Variants in SLC9A9 observed in about 807,000 individuals in gnomAD.
The protein encoded by SLC9A9 is sodium/hydrogen exchanger 9.
Under a neutral mutation model 77.8 loss-of-function variants are expected in SLC9A9, and 62 were observed. That is an observed-to-expected ratio of 0.80 (90% confidence interval 0.65 to 0.98). SLC9A9 has a LOEUF of 0.98. Among genes scored for constraint, SLC9A9 ranks in the 50% least tolerant of loss-of-function variants. SLC9A9 has a pLI of 0.00. For synonymous variants in SLC9A9, 320 were observed against 283.5 expected (o/e 1.13, Z -1.29); for missense variants, 775 against 774.9 (o/e 1.00, Z 0.00).
rs867369041 is a variant in SLC9A9, at chr3:143,487,951, A to G, written c.1315+5702T>C. ...ATAGAAAAAATAAATGAAACAAAAA[A>G]TGTTTCTTTGGAAAGAGCAATAAAA... On this transcript the variant is annotated intron_variant, in intron 11 of 15. Coordinates refer to ENST00000316549, the MANE Select transcript of SLC9A9 (RefSeq NM_173653.4). Among the ~76,000 whole-genome samples the G allele has an allele frequency of 7.9e-5, 12 of 151,908 alleles. No homozygotes were observed. In the South Asian group the frequency reaches 2.5e-3, roughly 31 times the overall value.
At chr3:143,804,137 T>G (rs1469009963) in intron 2 of SLC9A9, among the ~76,000 whole-genome samples, 1 of 152,154 alleles carries the variant, frequency 6.6e-6, no homozygotes, top group African/African-American at 2.4e-5. Flanking sequence ...ACTCTTCATC[T>G]CCAAAGCCCA....
intron 9 of SLC9A9, chr3:143,517,933 C>T: frequency 6.7e-7 from 1 of 1,488,720 alleles, no homozygotes; most frequent in East Asian, 2.3e-5. Flanking sequence ...TTTCATCTCC[C>T]ATTTCTTAAG....
chr3:143,426,180 G>A (rs2034401544), intron 12 of SLC9A9, among the ~76,000 whole-genome samples: 1 of 152,110 alleles, frequency 6.6e-6, no homozygotes, highest in Non-Finnish European at 1.5e-5. Context: ...TGTACGGACT[G>A]GCAAATTATT....
chr3:143,804,310 G>A (rs1326422582), intron 2 of SLC9A9, among the ~76,000 whole-genome samples: 1 of 152,040 alleles, frequency 6.6e-6, no homozygotes, highest in Non-Finnish European at 1.5e-5. Context: ...TTGCTCATCA[G>A]ACTCTCCTCC....
intron 13 of SLC9A9, among the ~76,000 whole-genome samples, chr3:143,375,265 A>T (rs972455154): frequency 6.6e-6 from 1 of 152,142 alleles, no homozygotes; most frequent in East Asian, 1.9e-4. Flanking sequence ...CATGTGACCT[A>T]TATGGCAGAC....
chr3:143,575,244 GT>G (rs1300488168), intron 7 of SLC9A9, among the ~76,000 whole-genome samples: 1 of 152,178 alleles, frequency 6.6e-6, no homozygotes, highest in Admixed American at 6.5e-5. Flanking sequence ...GTTTTGTAAA[GT>G]TTTAGAAAGC....
At position 143,759,820 on chromosome 3, in the gene SLC9A9, C is replaced by G. The variant is rs149925105; in HGVS notation, c.533+35181G>C. On this transcript the variant is annotated intron_variant, in intron 4 of 15. Transcript: ENST00000316549. ...TTCTGTTATCTTGCAGTTGAGGGAC[C>G]CTTTCCTAAATCCCACTGAGATTTA... Among the ~76,000 whole-genome samples, 12 of 151,924 alleles carry G rather than the reference C, an allele frequency of 7.9e-5. 1 individual carries two copies. In the South Asian group the frequency reaches 1.2e-3, roughly 16 times the overall value.
At chr3:143,270,390 G>C (rs1937864896) in intron 14 of SLC9A9, among the ~76,000 whole-genome samples, 1 of 152,100 alleles carries the variant, frequency 6.6e-6, no homozygotes, top group Non-Finnish European at 1.5e-5. Context: ...ATCACCCCTA[G>C]AAGACAATTC....
chr3:143,329,994 T>TG (rs1414142617), intron 14 of SLC9A9, among the ~76,000 whole-genome samples: 1 of 151,938 alleles, frequency 6.6e-6, no homozygotes, highest in African/African-American at 2.4e-5. Flanking sequence ...TTCAAACTAC[T>TG]GGAAAAAAAA....
At chr3:143,623,968 C>T (rs940752257) in intron 6 of SLC9A9, among the ~76,000 whole-genome samples, 2 of 152,194 alleles carry the variant, frequency 1.3e-5, no homozygotes, top group Non-Finnish European at 2.9e-5. Context: ...AAACTACCAT[C>T]AGAGAATACT....
At chr3:143,346,053 C>T (rs549212675) in intron 14 of SLC9A9, among the ~76,000 whole-genome samples, 1 of 152,012 alleles carries the variant, frequency 6.6e-6, no homozygotes, top group Non-Finnish European at 1.5e-5. Context: ...GGAAAAGAGA[C>T]CTAGGTCCAG....
chr3:143,833,401 A>G (rs2009488710), intron 1 of SLC9A9, among the ~76,000 whole-genome samples: 2 of 152,222 alleles, frequency 1.3e-5, no homozygotes, highest in South Asian at 2.1e-4. Context: ...ATAAAACATG[A>G]CATGTGCTAT....
At chr3:143,515,145 G>C (rs1328356180) in intron 9 of SLC9A9, among the ~76,000 whole-genome samples, 1 of 152,122 alleles carries the variant, frequency 6.6e-6, no homozygotes, top group Non-Finnish European at 1.5e-5. Flanking sequence ...AAGAGAGATG[G>C]GGGAATGACC....
At chr3:143,805,402 CA>C (rs543649111) in intron 2 of SLC9A9, among the ~76,000 whole-genome samples, 3 of 152,044 alleles carry the variant, frequency 2.0e-5, no homozygotes, top group Admixed American at 6.6e-5. Context: ...TGCCACCCCC[CA>C]AAAAAATTTT....
At chr3:143,744,590 T>G (rs189168235) in intron 4 of SLC9A9, among the ~76,000 whole-genome samples, 8 of 152,340 alleles carry the variant, frequency 5.3e-5, no homozygotes, top group Admixed American at 3.3e-4. Flanking sequence ...CGAAAAAGCC[T>G]CCTGATTCCT....
chr3:143,468,006 T>G (rs1050081024), intron 11 of SLC9A9, among the ~76,000 whole-genome samples: 2 of 152,238 alleles, frequency 1.3e-5, no homozygotes, highest in Non-Finnish European at 2.9e-5. Context: ...TTGACAGTTG[T>G]TCCTTTTTAT....
chr3:143,511,677 A>G (rs2036117493), intron 9 of SLC9A9, among the ~76,000 whole-genome samples: 1 of 152,216 alleles, frequency 6.6e-6, no homozygotes, highest in Non-Finnish European at 1.5e-5. Context: ...TTGTCCAGGC[A>G]TAACTGGGGG....
At chr3:143,548,542 A>G (rs2036827298) in intron 9 of SLC9A9, among the ~76,000 whole-genome samples, 1 of 152,216 alleles carries the variant, frequency 6.6e-6, no homozygotes, top group Non-Finnish European at 1.5e-5. Context: ...AAAGCAACAA[A>G]GAACTCCAAG....
At position 143,493,735 on chromosome 3, in the gene SLC9A9, G is replaced by A. The variant is rs776753475; in HGVS notation, c.1233C>T (p.Asn411=). The change falls in exon 11 of 16, where the codon AAC becomes AAT. Residue 411 remains asparagine, a synonymous_variant. Transcript: ENST00000316549. ...TCAGGAGGAAGGAGAGGGGATATAT[G>A]TTGCAGGCTCTGGCAACAAAAATTG... ...FLAIFVARAC[N]IYPLSFLLNL... 1 of 1,614,078 alleles carries A rather than the reference G, an allele frequency of 6.2e-7. No individual in the cohort carries two copies. The highest frequency in any genetic ancestry group is 1.7e-5 in the Admixed American group (1 of 60,024).
Sources: allele counts gnomAD v4.1 joint callset (sites outside exome capture counted in the v4.1 genomes callset), GRCh38; gene constraint gnomAD v4.1.1; transcripts MANE v1.5; gene names NCBI Gene and HGNC (gene_info 2026-07-23, HGNC 2026-07-21).